MARCHF1: variants seen among roughly 807,000 people sequenced by gnomAD.
The protein encoded by MARCHF1 is membrane associated ring-CH-type finger 1.
In MARCHF1, 40 loss-of-function variants were observed where a neutral mutation model predicts 54.2. That is an observed-to-expected ratio of 0.74 (90% CI 0.57 to 0.96). The LOEUF (loss-of-function observed/expected upper bound fraction) is 0.96. MARCHF1 is among the 40% of genes least tolerant of loss of function. The pLI, the probability that MARCHF1 is intolerant of heterozygous loss-of-function variation, is 0.00. For missense variants in MARCHF1, 586 were observed against 656.5 expected (o/e 0.89, Z 1.17); for synonymous variants, 236 against 236.3 (o/e 1.00, Z 0.01).
At chr4:164,325,321 G>A (rs1344835313) in intron 1 of MARCHF1, among the ~76,000 whole-genome samples, 1 of 125,784 alleles carries the variant, frequency 8.0e-6, no homozygotes, top group Non-Finnish European at 1.6e-5. Flanking sequence ...CCAGTGAGTT[G>A]GTAGACAGAA....
chr4:163,571,493 G>A (rs1739841223), intron 8 of MARCHF1, among the ~76,000 whole-genome samples: 1 of 152,134 alleles, frequency 6.6e-6, no homozygotes, highest in African/African-American at 2.4e-5. Flanking sequence ...TTCAGACCTA[G>A]CTGCCTGTTG....
At chr4:164,245,601 G>A (rs1290697291) in intron 1 of MARCHF1, among the ~76,000 whole-genome samples, 2 of 151,888 alleles carry the variant, frequency 1.3e-5, no homozygotes, top group South Asian at 2.1e-4. Flanking sequence ...TCTGGCCAGG[G>A]CAATCAGGCA....
chr4:163,880,424 T>A (rs1482749969), intron 3 of MARCHF1, among the ~76,000 whole-genome samples: 1 of 150,898 alleles, frequency 6.6e-6, no homozygotes, highest in Non-Finnish European at 1.5e-5. Context: ...AAAAGTAATA[T>A]AAATATAATT....
At chr4:163,958,606 G>A (rs891701745) in intron 3 of MARCHF1, among the ~76,000 whole-genome samples, 2 of 151,898 alleles carry the variant, frequency 1.3e-5, no homozygotes, top group Non-Finnish European at 2.9e-5. Flanking sequence ...TTTAGCCTTT[G>A]TTAAGAGTAA....
At chr4:164,202,939 G>A (rs915001031) in intron 1 of MARCHF1, among the ~76,000 whole-genome samples, 1 of 152,024 alleles carries the variant, frequency 6.6e-6, no homozygotes, top group Non-Finnish European at 1.5e-5. Flanking sequence ...AACCAAAATG[G>A]TGAAACACAT....
At chr4:163,554,353 G>A (rs1163534099) in intron 8 of MARCHF1, among the ~76,000 whole-genome samples, 1 of 152,206 alleles carries the variant, frequency 6.6e-6, no homozygotes, top group Non-Finnish European at 1.5e-5. Flanking sequence ...TTGTCCAAAT[G>A]CAAAGGTATT....
At chr4:163,785,349 T>G (rs1016251068) in intron 4 of MARCHF1, among the ~76,000 whole-genome samples, 1 of 152,150 alleles carries the variant, frequency 6.6e-6, no homozygotes, top group East Asian at 1.9e-4. Context: ...CTCATCCATT[T>G]GTATAGCTTG....
chr4:163,694,945 TC>T (rs961162309), intron 5 of MARCHF1, among the ~76,000 whole-genome samples: 1 of 152,114 alleles, frequency 6.6e-6, no homozygotes, highest in African/African-American at 2.4e-5. Context: ...TAACTCAGGG[TC>T]TCTGAAAGTC....
chr4:164,137,734 T>TTA (rs1313380613), intron 1 of MARCHF1, among the ~76,000 whole-genome samples: 3 of 152,226 alleles, frequency 2.0e-5, no homozygotes, highest in African/African-American at 4.8e-5. Context: ...AATTCCAGTA[T>TTA]TATATCATTA....
rs72029488 is a variant in MARCHF1, at chr4:163,751,805, C to CGTGTGTGTGTGTGTGTGT, written c.112-50960_112-50943dup. 5.6e-5 allele frequency among the ~76,000 whole-genome samples: 7 copies of CGTGTGTGTGTGTGTGTGT among 124,416 alleles called. No homozygotes were observed. The South Asian group carries it at 7.7e-4, about 14-fold the overall frequency. The allele number at this position is 124,416 out of a possible 152,430, so 81.6% of individuals were successfully genotyped here. A position where few individuals can be genotyped will look rare whatever the true frequency, so the allele number is the denominator to read the frequency against. On this transcript the variant is annotated intron_variant, in intron 4 of 9. Transcript: ENST00000514618. ...TAAAATATCCCAACACACATGTGCA[C>CGTGTGTGTGTGTGTGTGT]GTGTGTGTGTGTGTGTGTGTGTGAT... is the stretch of plus-strand genomic sequence containing the variant.
At chr4:163,746,426 G>C (rs1288017721) in intron 4 of MARCHF1, among the ~76,000 whole-genome samples, 1 of 152,098 alleles carries the variant, frequency 6.6e-6, no homozygotes, top group African/African-American at 2.4e-5. Context: ...ACATTTGGTG[G>C]CTTCTAAGTT....
At chr4:163,954,239 G>C (rs920967167) in intron 3 of MARCHF1, among the ~76,000 whole-genome samples, 1 of 152,110 alleles carries the variant, frequency 6.6e-6, no homozygotes, top group African/African-American at 2.4e-5. Context: ...AAGAGAGCAT[G>C]ACTAATTCCC....
At chr4:163,848,795 A>G (rs909139353) in intron 4 of MARCHF1, among the ~76,000 whole-genome samples, 1 of 152,178 alleles carries the variant, frequency 6.6e-6, no homozygotes, top group African/African-American at 2.4e-5. Flanking sequence ...TTCATTATGA[A>G]AGATTTTCAG....
At chr4:163,815,580 A>T (rs1748510998) in intron 4 of MARCHF1, among the ~76,000 whole-genome samples, 1 of 152,112 alleles carries the variant, frequency 6.6e-6, no homozygotes, top group African/African-American at 2.4e-5. Context: ...TCCAACCCTG[A>T]TATACCAGGT....
At chr4:164,348,080 G>A (rs1380907382) in intron 1 of MARCHF1, among the ~76,000 whole-genome samples, 1 of 152,118 alleles carries the variant, frequency 6.6e-6, no homozygotes. Flanking sequence ...CCTGTGGGAG[G>A]TGGTGGCAAT....
At chr4:163,786,816 A>C (rs1747634844) in intron 4 of MARCHF1, among the ~76,000 whole-genome samples, 1 of 152,022 alleles carries the variant, frequency 6.6e-6, no homozygotes, top group African/African-American at 2.4e-5. Flanking sequence ...TAGTGGCCTC[A>C]CACTTCCTGA....
At position 163,619,212 on chromosome 4, in the gene MARCHF1, G is replaced by C. The variant is rs113331150; in HGVS notation, c.163-5819C>G. On this transcript the variant is annotated intron_variant, in intron 5 of 9. Coordinates refer to ENST00000514618, the MANE Select transcript of MARCHF1 (RefSeq NM_001394959.1). ...AAAAGTTATTGCAAGTATTCAGCAG[G>C]AAATAGAACTTATTAAATCTGGGTA... is the stretch of plus-strand genomic sequence containing the variant. Among the ~76,000 whole-genome samples, 60 of 152,280 alleles carry C rather than the reference G, an allele frequency of 3.9e-4. 1 individual carries two copies. Among genetic ancestry groups the C allele is most frequent in the African/African-American group, 1.4e-3 (58 of 41,562 alleles).
chr4:164,241,151 T>C (rs1006609690), intron 1 of MARCHF1, among the ~76,000 whole-genome samples: 9 of 152,164 alleles, frequency 5.9e-5, no homozygotes, highest in Admixed American at 5.2e-4. Flanking sequence ...ACTCGCCCTG[T>C]GACCCCCTCA....
At chr4:163,872,912 CG>C (rs1750201487) in intron 3 of MARCHF1, among the ~76,000 whole-genome samples, 1 of 151,890 alleles carries the variant, frequency 6.6e-6, no homozygotes, top group South Asian at 2.1e-4. Flanking sequence ...GGCGTGGTGG[CG>C]GGCGCCTGTA....
Sources: gnomAD v4.1 joint callset for allele counts (sites outside exome capture counted in the v4.1 genomes callset) on GRCh38, gnomAD v4.1.1 for gene constraint, MANE v1.5 for transcripts, NCBI Gene and HGNC (gene_info 2026-07-23, HGNC 2026-07-21) for gene names.